Variants in SBNO2 observed in about 807,000 individuals in gnomAD.
The protein encoded by SBNO2 is strawberry notch homolog 2, also known as protein strawberry notch homolog 2.
Under a neutral mutation model 146.3 loss-of-function variants are expected in SBNO2, and 89 were observed. The observed-to-expected ratio is 0.61, with a 90% CI of 0.51 to 0.73. The LOEUF (loss-of-function observed/expected upper bound fraction) is 0.73, where lower values mean the gene tolerates loss of function less well. SBNO2 is among the 30% of genes least tolerant of loss of function. SBNO2 has a pLI of 0.00. For missense variants in SBNO2, 2,092 were observed against 2,003.7 expected, an observed-to-expected ratio of 1.04 and a Z score of -0.84; for synonymous variants, 1,147 against 892.6, an observed-to-expected ratio of 1.29 and a Z score of -5.08.
At chr19:1,114,167 G>A in intron 18 of SBNO2, 64 bp downstream of exon 18, 1 of 1,338,908 alleles carries the variant, frequency 7.5e-7, no homozygotes, top group Non-Finnish European at 9.8e-7. Context: ...ACCCAGAGGT[G>A]GCTGCTCAGC....
At position 1,119,898 on chromosome 19, in the gene SBNO2, C is replaced by A. The variant is rs1263330098; in HGVS notation, c.1267+8G>T. ...CGGGTGGGTCACGTGGGATCCGCAC[C>A]GCCCCACCTGTGGCGCTGGCGTAGA... On this transcript the variant is annotated splice_region_variant and intron_variant, in intron 12 of 31. Coordinates refer to ENST00000361757, the MANE Select transcript of SBNO2 (RefSeq NM_014963.3). The A allele has an allele frequency of 7.1e-6, 11 of 1,538,782 alleles. No homozygotes were observed. Among genetic ancestry groups the A allele is most frequent in the Non-Finnish European group, 9.6e-6 (11 of 1,141,274 alleles).
chr19:1,132,724 C>T (rs1027867090), intron 4 of SBNO2, among the ~76,000 whole-genome samples: 1 of 152,084 alleles, frequency 6.6e-6, no homozygotes, highest in Non-Finnish European at 1.5e-5. Flanking sequence ...CCCCTGCCGC[C>T]GAAGCAAAGT....
At chr19:1,132,640 G>A (rs2080044002) in intron 4 of SBNO2, among the ~76,000 whole-genome samples, 1 of 152,198 alleles carries the variant, frequency 6.6e-6, no homozygotes, top group Non-Finnish European at 1.5e-5. Context: ...CGCATGCCAA[G>A]CGCACCTCAG....
chr19:1,121,132 G>A (rs915394422), intron 11 of SBNO2, among the ~76,000 whole-genome samples: 5 of 152,062 alleles, frequency 3.3e-5, no homozygotes, highest in Non-Finnish European at 4.4e-5. Context: ...CTCGTGATTC[G>A]CCTGCCTCGG....
intron 4 of SBNO2, among the ~76,000 whole-genome samples, chr19:1,145,481 A>G (rs1417221042): frequency 6.6e-6 from 1 of 151,474 alleles, no homozygotes; most frequent in Non-Finnish European, 1.5e-5. Context: ...CTCAAAAAAA[A>G]AAAAAAAGAA....
intron 4 of SBNO2, among the ~76,000 whole-genome samples, chr19:1,139,294 CCA>C (rs938789715): frequency 1.4e-4 from 22 of 152,126 alleles, no homozygotes; most frequent in Non-Finnish European, 2.6e-4. Flanking sequence ...ACAGGCCAAG[CCA>C]CAGAGACGGG....
Position 1,116,214 on chromosome 19 carries a change from C to G in SBNO2, c.1803-111G>C, listed in dbSNP as rs1304897128. The G allele has an allele frequency of 3.2e-6, 3 of 932,550 alleles. No homozygotes were observed. The South Asian group carries it at 4.7e-5, about 15-fold the overall frequency. The allele number at this position is 932,550 out of a possible 1,614,324, so 57.8% of individuals were successfully genotyped here. A position where few individuals can be genotyped will look rare whatever the true frequency, so the allele number is the denominator to read the frequency against. Reference sequence around the variant, plus strand: ...TCCCTGTGGGGGTCCCGGACAGGACCGGGCCTGGGCAGAGGGTCTCCTGTG... The same window carrying G: ...TCCCTGTGGGGGTCCCGGACAGGACGGGGCCTGGGCAGAGGGTCTCCTGTG... On this transcript the variant is annotated intron_variant, in intron 16 of 31. Transcript: ENST00000361757.
Position 1,158,623 on chromosome 19 carries a change from G to C in SBNO2, c.-126-4221C>G, listed in dbSNP as rs1051604209. Reference sequence around the variant, plus strand: ...GGCGGACATGGAGGTCTGAGGAGGAGGCGGCGAGGCCCGGGCGAGCGGGCG... The same window carrying C: ...GGCGGACATGGAGGTCTGAGGAGGACGCGGCGAGGCCCGGGCGAGCGGGCG... On this transcript the variant is annotated intron_variant, in intron 1 of 31. Coordinates refer to ENST00000361757, the MANE Select transcript of SBNO2 (RefSeq NM_014963.3). The surrounding 1 kb of genome is among the most constrained non-coding windows in gnomAD (Gnocchi z 9.9). 6.6e-6 allele frequency among the ~76,000 whole-genome samples: 1 copy of C among 152,220 alleles called. No individual in the cohort carries two copies. Among genetic ancestry groups the C allele is most frequent in the Non-Finnish European group, 1.5e-5 (1 of 68,028 alleles).
At chr19:1,114,697 C>T (rs1266267257) in intron 17 of SBNO2, among the ~76,000 whole-genome samples, 4 of 152,180 alleles carry the variant, frequency 2.6e-5, no homozygotes, top group Non-Finnish European at 5.9e-5. Context: ...GGCTGGAGAA[C>T]GGTGGCATCT....
chr19:1,170,161 A>G (rs1179492679), intron 1 of SBNO2, among the ~76,000 whole-genome samples: 2 of 152,044 alleles, frequency 1.3e-5, no homozygotes, highest in African/African-American at 4.8e-5. Flanking sequence ...CCGCCTCCTC[A>G]CGGGGCCCAG....
intron 3 of SBNO2, among the ~76,000 whole-genome samples, chr19:1,148,200 G>C (rs1268040521): frequency 2.0e-5 from 3 of 151,838 alleles, no homozygotes; most frequent in Non-Finnish European, 4.4e-5. Context: ...GTTGGAGGCG[G>C]CCCTGGGCAG....
intron 4 of SBNO2, among the ~76,000 whole-genome samples, chr19:1,135,168 C>T (rs1294329961): frequency 6.6e-6 from 1 of 151,938 alleles, no homozygotes; most frequent in Non-Finnish European, 1.5e-5. Context: ...TCAAGACCAG[C>T]CTGGGCAACA....
At chr19:1,145,207 C>G in intron 4 of SBNO2, among the ~76,000 whole-genome samples, 1 of 151,568 alleles carries the variant, frequency 6.6e-6, no homozygotes. Context: ...TGGCTCACGC[C>G]TGTAATCCCA....
At position 1,111,551 on chromosome 19, in the gene SBNO2, G is replaced by A. The variant is rs778619478; in HGVS notation, c.2764C>T (p.Pro922Ser). ...CCTCCAGGGTATCCCTGGGGCACAG[G>A]CACTTTGTTCTCAGTCTGGCTCAGG... ...TILSQTENKV[P>S]VPQGYPGGVP... is the part of the protein sequence containing the mutation. Residue 922 changes from proline (P) to serine (S), a missense_variant, in exon 24 of 32, where the codon CCT becomes TCT. Physicochemically the swap from Pro to Ser is moderately conservative, Grantham distance 74. Coordinates refer to ENST00000361757, the MANE Select transcript of SBNO2 (RefSeq NM_014963.3). 2.5e-6 allele frequency: 4 copies of A among 1,596,692 alleles called. No homozygotes were observed. Among genetic ancestry groups the A allele is most frequent in the East Asian group, 4.5e-5 (2 of 44,126 alleles).
Position 1,110,592 on chromosome 19 carries a change from C to T in SBNO2, c.3028+153G>A, listed in dbSNP as rs551476904. 161 of 891,634 alleles carry T rather than the reference C, an allele frequency of 1.8e-4. 2 individuals carry two copies. The South Asian group carries it at 3.6e-3, about 20-fold the overall frequency. The allele number at this position is 891,634 out of a possible 1,614,324, so 55.2% of individuals were successfully genotyped here. ...ATGCCCGGCGTTCCCACGAGCCCCTCGCCCACCCGGGATGCACGGTGTTCC... is the reference window on the plus strand; with the variant it reads ...ATGCCCGGCGTTCCCACGAGCCCCTTGCCCACCCGGGATGCACGGTGTTCC... On this transcript the variant is annotated intron_variant, in intron 26 of 31. Transcript: ENST00000361757. The surrounding 1 kb of genome is among the most constrained non-coding windows in gnomAD (Gnocchi z 4.9).
intron 4 of SBNO2, among the ~76,000 whole-genome samples, chr19:1,128,968 CAAA>C (rs55815908): frequency 5.0e-5 from 7 of 140,194 alleles, no homozygotes; most frequent in Non-Finnish European, 6.2e-5. Flanking sequence ...GACTCTGTCT[CAAA>C]AAAAAAAAAA....
In SBNO2 at chr19:1,126,619, G is replaced by T. The variant is rs1367666566; in HGVS notation, c.441+985C>A. ...GGGTGCCCTGATGCTTCCTGCCTGG[G>T]CCCCCAAGCCCGTGAGTTCTGCTGC... On this transcript the variant is annotated intron_variant, in intron 5 of 31. Coordinates refer to ENST00000361757, the MANE Select transcript of SBNO2 (RefSeq NM_014963.3). The surrounding 1 kb of genome is among the most constrained non-coding windows in gnomAD (Gnocchi z 4.4). Among the ~76,000 whole-genome samples, 1 of 152,036 alleles carries T rather than the reference G, an allele frequency of 6.6e-6. No homozygotes were observed. The highest frequency in any genetic ancestry group is 1.5e-5 in the Non-Finnish European group (1 of 67,984).
At position 1,150,558 on chromosome 19, in the gene SBNO2, GCCC is replaced by G. The variant is rs938221680; in HGVS notation, c.94-1119_94-1117del. ...CGGGGGAGACCCTGCCGTCACGGAC[GCCC>G]CCGTGGTCATGGGGGAGACACCACC... On this transcript the variant is annotated intron_variant, in intron 2 of 31. Coordinates refer to ENST00000361757, the MANE Select transcript of SBNO2 (RefSeq NM_014963.3). The surrounding 1 kb of genome is among the most constrained non-coding windows in gnomAD (Gnocchi z 6.2). Among the ~76,000 whole-genome samples, 1 of 151,856 alleles carries G rather than the reference GCCC, an allele frequency of 6.6e-6. No individual in the cohort carries two copies. Among genetic ancestry groups the G allele is most frequent in the African/African-American group, 2.4e-5 (1 of 41,324 alleles).
At chr19:1,152,245 C>T (rs1016792221) in intron 2 of SBNO2, among the ~76,000 whole-genome samples, 8 of 152,222 alleles carry the variant, frequency 5.3e-5, no homozygotes, top group Non-Finnish European at 1.0e-4. Context: ...TTCCTGCTCC[C>T]GCTCGGATCC....
Sources: allele counts gnomAD v4.1 joint callset (sites outside exome capture counted in the v4.1 genomes callset), GRCh38; gene constraint gnomAD v4.1.1; non-coding constraint Gnocchi (gnomAD v3.1); transcripts MANE v1.5; gene names NCBI Gene and HGNC (gene_info 2026-07-23, HGNC 2026-07-21).